Variants in FANCA observed in about 807,000 individuals in gnomAD.
FANCA encodes the protein Fanconi anemia group A protein.
FANCA carries 236 observed loss-of-function variants against 194.3 expected under a neutral mutation model. That is an observed-to-expected ratio of 1.21 (90% CI 1.09 to 1.35). The LOEUF (loss-of-function observed/expected upper bound fraction) is 1.35, where lower values mean the gene tolerates loss of function less well. FANCA is among the 40% of genes most tolerant of loss of function. The pLI, the probability that FANCA is intolerant of heterozygous loss-of-function variation, is 0.00. For missense variants in FANCA, 2,628 were observed against 1,813.9 expected (o/e 1.45, Z -8.15); for synonymous variants, 1,014 against 715.8 (o/e 1.42, Z -6.65).
intron 8 of FANCA, among the ~76,000 whole-genome samples, chr16:89,800,567 T>C (rs1287372186): frequency 6.6e-6 from 1 of 152,020 alleles, no homozygotes; most frequent in Non-Finnish European, 1.5e-5. Flanking sequence ...AAAATTCACA[T>C]GGAACCAAAA....
In FANCA at chr16:89,764,972, G is replaced by A. The variant is rs1424540726; in HGVS notation, c.2696C>T (p.Pro899Leu). Reference sequence around the variant, plus strand: ...GGCAGCTCTCTGCCAGTCTGCAGAAGGAAGGTGCAAGGGTCTCCAGGAAAG... The same window carrying A: ...GGCAGCTCTCTGCCAGTCTGCAGAAAGAAGGTGCAAGGGTCTCCAGGAAAG... Reference protein sequence around the residue: ...ASLSWRPLHLPSADWQRAALS... With the variant: ...ASLSWRPLHLLSADWQRAALS... Residue 899 changes from proline (P) to leucine (L), a missense_variant, in exon 28 of 43, where the codon CCT becomes CTT. By Grantham distance (98) the Pro-to-Leu change is moderately conservative. Transcript: ENST00000389301. 2 of 1,614,262 alleles carry A rather than the reference G, an allele frequency of 1.2e-6. No homozygotes were observed. Among genetic ancestry groups the A allele is most frequent in the Non-Finnish European group, 1.7e-6 (2 of 1,180,036 alleles).
chr16:89,810,907 C>G, intron 4 of FANCA, 22 bp downstream of exon 4: 1 of 1,614,124 alleles, frequency 6.2e-7, no homozygotes. Flanking sequence ...GGCAGGTTTC[C>G]TCATCTTTGC....
At chr16:89,798,023 G>A (rs941921824) in intron 10 of FANCA, among the ~76,000 whole-genome samples, 2 of 152,100 alleles carry the variant, frequency 1.3e-5, no homozygotes, top group Admixed American at 6.6e-5. Context: ...ATAAAAAAAA[G>A]CCCTTGCCAC....
chr16:89,798,252 C>CA (rs146527124), intron 10 of FANCA: 1 of 826,994 alleles, frequency 1.2e-6, no homozygotes, highest in African/African-American at 1.8e-5. Flanking sequence ...CCCTGACCTC[C>CA]AACTTCCAGC....
intron 28 of FANCA, chr16:89,762,745 C>G (rs775667070): frequency 4.4e-6 from 2 of 453,144 alleles, no homozygotes; most frequent in Admixed American, 4.7e-5. Context: ...AATTCTCCCC[C>G]TCAGCCTCTC....
intron 29 of FANCA, among the ~76,000 whole-genome samples, chr16:89,760,142 A>T (rs1421233164): frequency 6.6e-6 from 1 of 152,252 alleles, no homozygotes. Context: ...CGCAGCGGTG[A>T]CCTGATGCAG....
intron 3 of FANCA, among the ~76,000 whole-genome samples, chr16:89,812,053 G>C (rs113896117): frequency 7.7e-4 from 116 of 150,262 alleles, no homozygotes; most frequent in African/African-American, 2.5e-3. Context: ...TAAAGAAACC[G>C]GGCCGGGCAC....
chr16:89,745,119 C>T, intron 35 of FANCA, 48 bp from the exon 36 acceptor site: 6 of 1,505,334 alleles, frequency 4.0e-6, no homozygotes, highest in Admixed American at 2.0e-5. Flanking sequence ...GAGATGGACA[C>T]ACCTCCGCTG....
Position 89,738,530 on chromosome 16 carries a change from A to C in FANCA, c.*71T>G. On this transcript the variant is annotated 3_prime_UTR_variant, in exon 43 of 43. Transcript: ENST00000389301. Reference sequence around the variant, plus strand: ...TTTGTAATCCACTTTTTAGTGCAACAAGAGCTCCATGTTATGCTTGTAATA... The same window carrying C: ...TTTGTAATCCACTTTTTAGTGCAACCAGAGCTCCATGTTATGCTTGTAATA... 3 of 1,605,348 alleles carry C rather than the reference A, an allele frequency of 1.9e-6. No homozygotes were observed. The South Asian group carries it at 3.3e-5, about 18-fold the overall frequency.
intron 10 of FANCA, among the ~76,000 whole-genome samples, chr16:89,797,073 T>C (rs1010779102): frequency 6.6e-6 from 1 of 152,078 alleles, no homozygotes; most frequent in African/African-American, 2.4e-5. Flanking sequence ...GGCAGGAGAA[T>C]GGTGTGAACC....
intron 28 of FANCA, 133 bp downstream of exon 28, chr16:89,764,757 A>C (rs1459722999): frequency 9.1e-7 from 1 of 1,096,108 alleles, no homozygotes. Flanking sequence ...GCACACACAC[A>C]CCCTAGACTC....
chr16:89,813,367 C>T (rs2040977603), intron 3 of FANCA, among the ~76,000 whole-genome samples: 1 of 150,660 alleles, frequency 6.6e-6, no homozygotes, highest in African/African-American at 2.4e-5. Context: ...GTGATTGCAC[C>T]ACGGCTCTCC....
intron 6 of FANCA, among the ~76,000 whole-genome samples, chr16:89,806,639 CAT>C (rs1456128863): frequency 3.9e-5 from 6 of 152,120 alleles, no homozygotes; most frequent in African/African-American, 4.8e-5. Context: ...GGACACAGCA[CAT>C]GTTTCAGAGA....
intron 38 of FANCA, 177 bp downstream of exon 38, chr16:89,740,627 C>A: frequency 1.6e-6 from 1 of 611,494 alleles, no homozygotes; most frequent in Non-Finnish European, 2.9e-6. Flanking sequence ...CAGAGTGAGA[C>A]CCCCATCTCA....
chr16:89,762,730 T>A, intron 28 of FANCA: 1 of 451,412 alleles, frequency 2.2e-6, no homozygotes, highest in Non-Finnish European at 4.5e-6. Context: ...CCTCCTGAAC[T>A]CCAGAATTCT....
rs1285954147 is a variant in FANCA at position 89,799,074 on chromosome 16, G to A, written c.893+92C>T. The A allele has an allele frequency of 3.1e-6, 5 of 1,614,108 alleles. No individual in the cohort carries two copies. In the East Asian group the frequency reaches 6.7e-5, roughly 22 times the overall value. On this transcript the variant is annotated intron_variant, in intron 10 of 42. Coordinates refer to ENST00000389301, the MANE Select transcript of FANCA (RefSeq NM_000135.4). ...GAAGTGTGCTCAGGAGCGGGCTGCT[G>A]AAGCTCTGGAAGTGTTTAAAATATC...
chr16:89,748,831 TCA>T, intron 32 of FANCA, 64 bp from the exon 33 acceptor site: 1 of 1,350,450 alleles, frequency 7.4e-7, no homozygotes, highest in Admixed American at 1.9e-5. Flanking sequence ...TCCCAAGGGC[TCA>T]GACTCTCAGA....
chr16:89,784,715 G>C (rs1267453255), intron 15 of FANCA, 139 bp downstream of exon 15: 1 of 659,018 alleles, frequency 1.5e-6, no homozygotes, highest in African/African-American at 1.8e-5. Context: ...GCTTGGGGAA[G>C]GGGAAGGGGA....
At chr16:89,805,248 AC>A in intron 7 of FANCA, 31 bp downstream of exon 7, 1 of 1,544,054 alleles carries the variant, frequency 6.5e-7, no homozygotes, top group Non-Finnish European at 8.9e-7. Context: ...AATGAGTTTT[AC>A]CCAAGAACCC....
Sources: allele counts gnomAD v4.1 joint callset (sites outside exome capture counted in the v4.1 genomes callset), GRCh38; gene constraint gnomAD v4.1.1; transcripts MANE v1.5; gene names NCBI Gene and HGNC (gene_info 2026-07-23, HGNC 2026-07-21).